TMLHE: variants seen among roughly 807,000 people sequenced by gnomAD.
TMLHE encodes trimethyllysine dioxygenase, mitochondrial.
TMLHE carries 18 observed loss-of-function variants against 25.7 expected under a neutral mutation model. The ratio of observed to expected loss-of-function variants is 0.70; its 90% CI spans 0.48 to 1.04. The LOEUF (loss-of-function observed/expected upper bound fraction) is 1.04, where lower values mean the gene tolerates loss of function less well. TMLHE is among the 50% of genes least tolerant of loss of function. The pLI is 0.00. For synonymous variants in TMLHE, 105 were observed against 97.0 expected, an observed-to-expected ratio of 1.08 and a Z score of -0.49; for missense variants, 236 against 259.0, an observed-to-expected ratio of 0.91 and a Z score of 0.61.
chrX:155,568,985 G>A lies in TMLHE; in HGVS notation c.-1-23708C>T, dbSNP rs781817055. Among the ~76,000 whole-genome samples the A allele has an allele frequency of 6.5e-3, 403 of 61,836 alleles. 101 individuals carry two copies. The highest frequency in any genetic ancestry group is 0.015 in the Non-Finnish European group (327 of 22,230). The allele number at this position is 61,836 out of a possible 115,157, so 53.7% of individuals were successfully genotyped here. ...CAGCAACGGAACAAAGCTGGATAGA[G>A]AATGACTTTGACGAGTTGAGAGAAG... On this transcript the variant is annotated intron_variant, in intron 1 of 7. Coordinates refer to ENST00000334398, the MANE Select transcript of TMLHE (RefSeq NM_018196.4).
intron 2 of TMLHE, among the ~76,000 whole-genome samples, chrX:155,526,546 G>C (rs1169495163): frequency 8.9e-6 from 1 of 112,479 alleles, no homozygotes; most frequent in Non-Finnish European, 1.9e-5. Context: ...GCCCCACACA[G>C]AGTCCCCACT....
intron 1 of TMLHE, among the ~76,000 whole-genome samples, chrX:155,607,911 G>T (rs936154070): frequency 8.9e-6 from 1 of 111,931 alleles, no homozygotes; most frequent in Non-Finnish European, 1.9e-5. Context: ...AATCGGAGAT[G>T]ATACAAACAA....
In TMLHE at chrX:155,531,711, C is replaced by T. The variant is rs148645885; in HGVS notation, c.182-7079G>A. ...ATTACATTAAGTTTTTTAAGCATAA[C>T]CTCTGATCAATACTTGGCTGGCCTC... On this transcript the variant is annotated intron_variant, in intron 2 of 7. Transcript: ENST00000334398. 6.9e-3 allele frequency among the ~76,000 whole-genome samples: 769 copies of T among 111,831 alleles called. 8 individuals are homozygous for T. Among genetic ancestry groups the T allele is most frequent in the South Asian group, 0.068 (182 of 2,676 alleles).
intron 3 of TMLHE, among the ~76,000 whole-genome samples, chrX:155,514,911 T>A (rs2067141751): frequency 9.0e-6 from 1 of 111,710 alleles, no homozygotes; most frequent in South Asian, 3.6e-4. Flanking sequence ...CAAAAAAAGT[T>A]GAAAACCAAC....
intron 2 of TMLHE, among the ~76,000 whole-genome samples, chrX:155,532,692 T>G (rs1278967247): frequency 9.3e-6 from 1 of 107,742 alleles, no homozygotes; most frequent in Non-Finnish European, 1.9e-5. Flanking sequence ...TGTGTGTGTG[T>G]GTGTGTGTGT....
At chrX:155,607,807 C>T (rs1225992611) in intron 1 of TMLHE, among the ~76,000 whole-genome samples, 2 of 110,964 alleles carry the variant, frequency 1.8e-5, no homozygotes, top group African/African-American at 6.6e-5. Flanking sequence ...ATCCCATTCA[C>T]AATAGACATA....
chrX:155,511,637 T>TAAA, intron 5 of TMLHE, 36 bp downstream of exon 5: 1 of 1,152,781 alleles, frequency 8.7e-7, no homozygotes, highest in Non-Finnish European at 1.2e-6. Flanking sequence ...CTATCACATA[T>TAAA]AAAGACTTTA....
intron 1 of TMLHE, among the ~76,000 whole-genome samples, chrX:155,579,539 A>G (rs1160312006): frequency 8.9e-6 from 1 of 111,917 alleles, no homozygotes; most frequent in Non-Finnish European, 1.9e-5. Flanking sequence ...CTTTTGTTTT[A>G]GAATTAGAGG....
intron 1 of TMLHE, among the ~76,000 whole-genome samples, chrX:155,594,122 G>C (rs782772591): frequency 6.3e-5 from 7 of 111,811 alleles, no homozygotes; most frequent in African/African-American, 2.3e-4. Context: ...CCAAAGAGGA[G>C]CTCACCAAGA....
chrX:155,604,893 C>T (rs1417412423), intron 1 of TMLHE, among the ~76,000 whole-genome samples: 5 of 111,974 alleles, frequency 4.5e-5, no homozygotes, highest in African/African-American at 1.6e-4. Context: ...CTGACAATGT[C>T]CAGAAATGAG....
chrX:155,548,688 TTGTG>T (rs2067385650), intron 1 of TMLHE, among the ~76,000 whole-genome samples: 4 of 108,246 alleles, frequency 3.7e-5, no homozygotes, highest in Non-Finnish European at 5.7e-5. Flanking sequence ...TGAGCTGAGA[TTGTG>T]CCACTGCACT....
At chrX:155,564,453 A>C (rs2067506268) in intron 1 of TMLHE, among the ~76,000 whole-genome samples, 1 of 62,026 alleles carries the variant, frequency 1.6e-5, no homozygotes, top group African/African-American at 3.6e-5. Context: ...TGCAATGCAG[A>C]TCTAAGAAAG....
chrX:155,587,842 A>T (rs1178078096), intron 1 of TMLHE, among the ~76,000 whole-genome samples: 5 of 112,208 alleles, frequency 4.5e-5, no homozygotes, highest in African/African-American at 9.7e-5. Flanking sequence ...TGACAAAAGA[A>T]ATTTAAGAGA....
In TMLHE at chrX:155,511,668, C is replaced by A. The variant is rs782679690; in HGVS notation, c.758+5G>T. 8.4e-7 allele frequency: 1 copy of A among 1,190,687 alleles called. No individual in the cohort carries two copies. Among genetic ancestry groups the A allele is most frequent in the Non-Finnish European group, 1.1e-6 (1 of 883,112 alleles). ...CTTTACACTGTAAAAGTCTAATCCA[C>A]CTACCCACAGGGCTCTTGAAAATAG... On this transcript the variant is annotated splice_donor_5th_base_variant and intron_variant, in intron 5 of 7. Transcript: ENST00000334398.
At chrX:155,550,467 G>A (rs1198231183) in intron 1 of TMLHE, among the ~76,000 whole-genome samples, 1 of 111,087 alleles carries the variant, frequency 9.0e-6, no homozygotes, top group Non-Finnish European at 1.9e-5. Context: ...ACTTGGATAA[G>A]TAGCACTGAA....
intron 1 of TMLHE, among the ~76,000 whole-genome samples, chrX:155,593,628 C>T (rs1423138411): frequency 1.8e-5 from 2 of 111,958 alleles, no homozygotes; most frequent in Non-Finnish European, 3.8e-5. Context: ...ACAAAGAATT[C>T]AGAATAATCC....
chrX:155,555,202 T>G (rs2067442187), intron 1 of TMLHE, among the ~76,000 whole-genome samples: 1 of 109,826 alleles, frequency 9.1e-6, no homozygotes, highest in Non-Finnish European at 1.9e-5. Context: ...GCAAAGGACA[T>G]GAACTCATCA....
At chrX:155,582,808 C>A (rs2067639115) in intron 1 of TMLHE, among the ~76,000 whole-genome samples, 1 of 111,982 alleles carries the variant, frequency 8.9e-6, no homozygotes, top group African/African-American at 3.2e-5. Flanking sequence ...TTGACCCAGC[C>A]ATCCCATTAC....
intron 1 of TMLHE, among the ~76,000 whole-genome samples, chrX:155,561,877 A>C (rs2067498062): frequency 1.6e-5 from 1 of 62,898 alleles, no homozygotes; most frequent in African/African-American, 3.5e-5. Context: ...CACAGCCTTG[A>C]GCAGTTCTGC....
Sources: gnomAD v4.1 joint callset for allele counts (sites outside exome capture counted in the v4.1 genomes callset) on GRCh38, gnomAD v4.1.1 for gene constraint, MANE v1.5 for transcripts, NCBI Gene and HGNC (gene_info 2026-07-23, HGNC 2026-07-21) for gene names.